AMMECR1L: variants seen among roughly 807,000 people sequenced by gnomAD.
AMMECR1L encodes the protein AMMECR1-like protein.
Under a neutral mutation model 36.8 loss-of-function variants are expected in AMMECR1L, and 4 were observed. The observed-to-expected ratio is 0.11, with a 90% CI of 0.05 to 0.25. The LOEUF is 0.25. Among genes scored for constraint, AMMECR1L ranks in the 10% least tolerant of loss-of-function variants. AMMECR1L has a pLI of 1.00. For synonymous variants in AMMECR1L, 147 were observed against 148.0 expected, an observed-to-expected ratio of 0.99 and a Z score of 0.05; for missense variants, 232 against 392.1, an observed-to-expected ratio of 0.59 and a Z score of 3.45.
At chr2:127,885,274 G>C in intron 1 of AMMECR1L, 1 of 984,246 alleles carries the variant, frequency 1.0e-6, no homozygotes, top group Non-Finnish European at 1.2e-6. Flanking sequence ...AGCGGGCCGA[G>C]GGACAGGGTG....
chr2:127,874,194 A>G lies in AMMECR1L; in HGVS notation c.41T>C (p.Leu14Ser), dbSNP rs1458040529. Residue 14 changes from leucine (L) to serine (S), a missense_variant, in exon 3 of 8, where the codon TTG (leucine) becomes TCG (serine). This residue lies in a region of AMMECR1L where 109 missense variants were observed against 128.1 expected (regional missense o/e 0.85). Transcript: ENST00000272647. This position sits in a 1 kb window ranked among gnomAD's most constrained non-coding sequence, Gnocchi z 5.2. ...RRCVPPLEPK[L>S]AAGCCGVKKP... ...CTTGACCCCACAACAGCCTGCTGCCAACTTGGGCTCGAGTGGAGGAACACA... is the reference window on the plus strand; with the variant it reads ...CTTGACCCCACAACAGCCTGCTGCCGACTTGGGCTCGAGTGGAGGAACACA... 1 of 1,614,200 alleles carries G rather than the reference A, an allele frequency of 6.2e-7. No homozygotes were observed. Among genetic ancestry groups the G allele is most frequent in the East Asian group, 2.2e-5 (1 of 44,890 alleles).
chr2:127,875,777 C>T, intron 2 of AMMECR1L, among the ~76,000 whole-genome samples: 1 of 142,374 alleles, frequency 7.0e-6, no homozygotes, highest in Admixed American at 7.0e-5. Context: ...CTCTCCTCCC[C>T]TCTCCTCTTC....
intron 6 of AMMECR1L, among the ~76,000 whole-genome samples, chr2:127,868,601 T>A (rs932791284): frequency 6.6e-6 from 1 of 152,230 alleles, no homozygotes; most frequent in Non-Finnish European, 1.5e-5. Context: ...GAAGGAAAAC[T>A]GCACTACGTA....
Position 127,871,610 on chromosome 2 carries a change from T to G in AMMECR1L, c.408-251A>C, listed in dbSNP as rs1294027035. 6.6e-6 allele frequency among the ~76,000 whole-genome samples: 1 copy of G among 152,192 alleles called. No individual in the cohort carries two copies. Among genetic ancestry groups the G allele is most frequent in the Non-Finnish European group, 1.5e-5 (1 of 68,032 alleles). On this transcript the variant is annotated intron_variant, in intron 3 of 7. Coordinates refer to ENST00000272647, the MANE Select transcript of AMMECR1L (RefSeq NM_001199140.2). This position sits in a 1 kb window ranked among gnomAD's most constrained non-coding sequence, Gnocchi z 4.3. Reference sequence around the variant, plus strand: ...CCATGTTCCATGCTGACAGCTTTAATTCACTTTGCCGCCAAATTTACATGC... The same window carrying G: ...CCATGTTCCATGCTGACAGCTTTAAGTCACTTTGCCGCCAAATTTACATGC...
intron 2 of AMMECR1L, among the ~76,000 whole-genome samples, chr2:127,875,326 TA>T (rs1284369816): frequency 6.6e-6 from 1 of 152,064 alleles, no homozygotes; most frequent in African/African-American, 2.4e-5. Context: ...TACAGAAAAC[TA>T]AGTTTTCTCT....
At chr2:127,867,949 T>C (rs1690772282) in intron 6 of AMMECR1L, among the ~76,000 whole-genome samples, 1 of 152,226 alleles carries the variant, frequency 6.6e-6, no homozygotes. Flanking sequence ...ATTGGCTCAC[T>C]GCAACCTCCA....
chr2:127,872,898 G>A lies in AMMECR1L; in HGVS notation c.407+930C>T, dbSNP rs561528876. 1.9e-5 allele frequency: 15 copies of A among 796,298 alleles called. 2 individuals carry two copies. The South Asian group carries it at 6.3e-4, about 34-fold the overall frequency. The allele number at this position is 796,298 out of a possible 1,614,324, so 49.3% of individuals were successfully genotyped here. A position where few individuals can be genotyped will look rare whatever the true frequency, so the allele number is the denominator to read the frequency against. ...CCAGGGTGACGGTTCCCAAAAAACC[G>A]AGCACACTTCCCTCCAGGTTTCCTC... On this transcript the variant is annotated intron_variant, in intron 3 of 7. Transcript: ENST00000272647.
chr2:127,867,335 C>T (rs888184507), intron 6 of AMMECR1L: 3 of 980,006 alleles, frequency 3.1e-6, no homozygotes, highest in East Asian at 1.1e-4. Context: ...TGCTGGTACC[C>T]AAGGCTGCTC....
chr2:127,878,206 G>GA (rs1691335092), intron 2 of AMMECR1L, among the ~76,000 whole-genome samples: 1 of 152,222 alleles, frequency 6.6e-6, no homozygotes, highest in Admixed American at 6.5e-5. Context: ...CCATCACCTG[G>GA]AAAATTATCC....
Position 127,874,301 on chromosome 2 carries a change from T to G in AMMECR1L, c.-38-29A>C. 6.4e-7 allele frequency: 1 copy of G among 1,571,814 alleles called. No homozygotes were observed. The highest frequency in any genetic ancestry group is 1.2e-5 in the South Asian group (1 of 85,590). ...ACCAAAATGAGAAGTTAAGCATTAA[T>G]TTGACTGGTTAGTTAAAAGGAGAGG... is the stretch of plus-strand genomic sequence containing the variant. On this transcript the variant is annotated intron_variant, in intron 2 of 7. Coordinates refer to ENST00000272647, the MANE Select transcript of AMMECR1L (RefSeq NM_001199140.2). The surrounding 1 kb of genome is among the most constrained non-coding windows in gnomAD (Gnocchi z 5.2).
intron 5 of AMMECR1L, 36 bp downstream of exon 5, chr2:127,870,778 C>T (rs1386866022): frequency 9.1e-6 from 14 of 1,538,440 alleles, no homozygotes; most frequent in East Asian, 2.3e-5. Context: ...CCAAATGCAA[C>T]GAGAGATGCA....
In AMMECR1L at chr2:127,874,199, G is replaced by A. The variant is rs1450867047; in HGVS notation, c.36C>T (p.Pro12=). 1 of 1,614,144 alleles carries A rather than the reference G, an allele frequency of 6.2e-7. No homozygotes were observed. Among genetic ancestry groups the A allele is most frequent in the South Asian group, 1.1e-5 (1 of 91,074 alleles). The change falls in exon 3 of 8, where the codon CCC becomes CCT. Residue 12 remains proline, a synonymous_variant. Coordinates refer to ENST00000272647, the MANE Select transcript of AMMECR1L (RefSeq NM_001199140.2). The surrounding 1 kb of genome is among the most constrained non-coding windows in gnomAD (Gnocchi z 5.2). ...CCCCACAACAGCCTGCTGCCAACTT[G>A]GGCTCGAGTGGAGGAACACAACGTC... The part of the protein sequence containing the change: ...GKRRCVPPLE[P]KLAAGCCGVK...
At chr2:127,882,673 G>A (rs942387585) in intron 2 of AMMECR1L, among the ~76,000 whole-genome samples, 4 of 151,896 alleles carry the variant, frequency 2.6e-5, no homozygotes, top group South Asian at 2.1e-4. Context: ...AGCTCAATGC[G>A]GCTTTGAACT....
rs954469733 is a variant in AMMECR1L at position 127,863,146 on chromosome 2, A to C, written c.*1948T>G. The C allele has an allele frequency of 2.6e-5, 4 of 152,600 alleles. No individual in the cohort carries two copies. Among genetic ancestry groups the C allele is most frequent in the African/African-American group, 9.7e-5 (4 of 41,432 alleles). The allele number at this position is 152,600 out of a possible 1,614,324, so 9.5% of individuals were successfully genotyped here. A position where few individuals can be genotyped will look rare whatever the true frequency, so the allele number is the denominator to read the frequency against. On this transcript the variant is annotated 3_prime_UTR_variant, in exon 8 of 8. Coordinates refer to ENST00000272647, the MANE Select transcript of AMMECR1L (RefSeq NM_001199140.2). The stretch of plus-strand genomic sequence containing the variant: ...GTATCAATACTGTTGTACAAATTGG[A>C]GGTGGGTGGCTTAGTCCAGAGCTGA...
chr2:127,874,154 A>C lies in AMMECR1L; in HGVS notation c.81T>G (p.Ser27=). ...GCCGVKKPKL[S]GSGTHSHGNQ... The stretch of plus-strand genomic sequence containing the variant: ...TCCCGTGACTGTGCGTTCCACTTCC[A>C]GATAATTTGGGCTTCTTGACCCCAC... The change falls in exon 3 of 8, where the codon TCT becomes TCG. Residue 27 remains serine (S), a synonymous_variant. Coordinates refer to ENST00000272647, the MANE Select transcript of AMMECR1L (RefSeq NM_001199140.2). The surrounding 1 kb of genome is among the most constrained non-coding windows in gnomAD (Gnocchi z 5.2). 1.2e-6 allele frequency: 2 copies of C among 1,614,166 alleles called. No homozygotes were observed. Among genetic ancestry groups the C allele is most frequent in the Non-Finnish European group, 1.7e-6 (2 of 1,180,020 alleles).
intron 2 of AMMECR1L, among the ~76,000 whole-genome samples, chr2:127,875,534 C>A (rs1396271572): frequency 6.6e-6 from 1 of 152,112 alleles, no homozygotes; most frequent in Non-Finnish European, 1.5e-5. Flanking sequence ...TTTTAAATTT[C>A]AAATTAAATA....
chr2:127,885,687 G>T (rs1017993586), intron 1 of AMMECR1L, 123 bp downstream of exon 1: 131 of 983,368 alleles, frequency 1.3e-4, no homozygotes, highest in Non-Finnish European at 1.5e-4. Flanking sequence ...GGACCGCGGG[G>T]TCTCTTCCCG....
intron 7 of AMMECR1L, among the ~76,000 whole-genome samples, chr2:127,866,046 T>C (rs185774328): frequency 1.3e-5 from 2 of 152,336 alleles, no homozygotes; most frequent in African/African-American, 4.8e-5. Flanking sequence ...TGTTGTTTTT[T>C]AAAAATTTTT....
chr2:127,883,299 T>C (rs7590200), intron 2 of AMMECR1L, among the ~76,000 whole-genome samples: 60,347 of 151,858 alleles, frequency 0.4, 12,261 homozygotes, highest in South Asian at 0.52. Flanking sequence ...GGTTTCACCA[T>C]GTTGGCCAGG....
Sources: allele counts gnomAD v4.1 joint callset (sites outside exome capture counted in the v4.1 genomes callset), GRCh38; gene constraint gnomAD v4.1.1; regional missense constraint gnomAD v4.1.1; non-coding constraint Gnocchi (gnomAD v3.1); transcripts MANE v1.5; gene names NCBI Gene and HGNC (gene_info 2026-07-23, HGNC 2026-07-21).